The following SGO1 variants were observed in gnomAD, a reference collection of about 807,000 sequenced individuals.
SGO1 encodes the protein serologically defined breast cancer antigen NY-BR-85.
A neutral mutation model predicts 50.5 loss-of-function variants in SGO1; 39 were observed. That is an observed-to-expected ratio of 0.77 (90% confidence interval 0.60 to 1.01). SGO1 has a LOEUF of 1.01. Among genes scored for constraint, SGO1 ranks in the 50% least tolerant of loss-of-function variants. The pLI is 0.00. For synonymous variants in SGO1, 191 were observed against 205.1 expected, an observed-to-expected ratio of 0.93 and a Z score of 0.59; for missense variants, 638 against 606.0, an observed-to-expected ratio of 1.05 and a Z score of -0.55.
Position 20,172,940 on chromosome 3 carries a change from G to A in SGO1, c.1282+1309C>T, listed in dbSNP as rs188194501. Among the ~76,000 whole-genome samples, 5 of 152,056 alleles carry A rather than the reference G, an allele frequency of 3.3e-5. No individual in the cohort carries two copies. The East Asian group carries it at 5.8e-4, about 18-fold the overall frequency. On this transcript the variant is annotated intron_variant, in intron 6 of 7. Coordinates refer to ENST00000412997, the MANE Select transcript of SGO1 (RefSeq NM_001199251.3). Reference sequence around the variant, plus strand: ...ATGACAGTGCCACTGCCCTCCAGCCGAGGTGATAGAGCAAGACCCTGTCTC... The same window carrying A: ...ATGACAGTGCCACTGCCCTCCAGCCAAGGTGATAGAGCAAGACCCTGTCTC...
chr3:20,180,216 G>A (rs747424891), intron 3 of SGO1, among the ~76,000 whole-genome samples: 3 of 152,124 alleles, frequency 2.0e-5, no homozygotes, highest in Non-Finnish European at 4.4e-5. Flanking sequence ...GAGCCTGGGA[G>A]GTCAAGCCTG....
chr3:20,161,792 C>T (rs1700053552), intron 8 of SGO1, among the ~76,000 whole-genome samples: 1 of 152,114 alleles, frequency 6.6e-6, no homozygotes, highest in South Asian at 2.1e-4. Context: ...CATAGTGAAT[C>T]CCAAGCAGGA....
chr3:20,161,463 C>T lies in SGO1; in HGVS notation c.1565-237G>A, dbSNP rs79511213. Among the ~76,000 whole-genome samples, 852 of 151,908 alleles carry T rather than the reference C, an allele frequency of 5.6e-3. 4 individuals are homozygous for T. Among genetic ancestry groups the T allele is most frequent in the Middle Eastern group, 0.024 (7 of 292 alleles). ...CAGGTTACATAGGCTATGATATAACCAAGGATAGAATGAGTGAACTGGAAG... is the reference window on the plus strand; with the variant it reads ...CAGGTTACATAGGCTATGATATAACTAAGGATAGAATGAGTGAACTGGAAG... On this transcript the variant is annotated intron_variant, in intron 8 of 8. Transcript: ENST00000263753.
Position 20,170,520 on chromosome 3 carries a change from A to C in SGO1, c.*184T>G. Reference sequence around the variant, plus strand: ...TCAAAAGAAAAAATAAATTAAATTTATTAAAGTTTTAATACAAAGCATCCC... The same window carrying C: ...TCAAAAGAAAAAATAAATTAAATTTCTTAAAGTTTTAATACAAAGCATCCC... On this transcript the variant is annotated 3_prime_UTR_variant, in exon 8 of 8. Coordinates refer to ENST00000412997, the MANE Select transcript of SGO1 (RefSeq NM_001199251.3). 1 of 1,193,600 alleles carries C rather than the reference A, an allele frequency of 8.4e-7. No homozygotes were observed. Among genetic ancestry groups the C allele is most frequent in the Non-Finnish European group, 1.0e-6 (1 of 963,062 alleles). The allele number at this position is 1,193,600 out of a possible 1,614,324, so 73.9% of individuals were successfully genotyped here.
At chr3:20,181,920 TA>T (rs1285473930) in intron 3 of SGO1, among the ~76,000 whole-genome samples, 1 of 151,658 alleles carries the variant, frequency 6.6e-6, no homozygotes, top group Non-Finnish European at 1.5e-5. Context: ...CTGTCTCTAC[TA>T]AAAATATAAA....
rs747414636 is a variant in SGO1 at position 20,176,654 on chromosome 3, A to G, written c.422T>C (p.Ile141Thr). The G allele has an allele frequency of 1.3e-6, 2 of 1,570,210 alleles. No individual in the cohort carries two copies. The highest frequency in any genetic ancestry group is 4.6e-5 in the East Asian group (2 of 43,568). Residue 141 changes from isoleucine (I) to threonine (T), a missense_variant, in exon 5 of 8, where the codon ATT becomes ACT. By Grantham distance (89) the Ile-to-Thr change is moderately conservative. Coordinates refer to ENST00000412997, the MANE Select transcript of SGO1 (RefSeq NM_001199251.3). ...TGGAAGTTCAGTTTCTTCAAGAGGA[A>G]TTTGCCTTAGAAAATACCAATGAAA... ...RNLFVKDLPQ[I>T]PLEETELPGQ...
At chr3:20,167,438 G>A (rs947024443), downstream of SGO1, among the ~76,000 whole-genome samples, 3 of 148,064 alleles carry the variant, frequency 2.0e-5, no homozygotes, top group Admixed American at 6.8e-5. Flanking sequence ...TAGAATACTT[G>A]TCAACAGAAA....
chr3:20,160,664 G>C (rs1699997451), exon 9 of SGO1: 1 of 154,280 alleles, frequency 6.5e-6, no homozygotes, highest in African/African-American at 2.4e-5. Context: ...GGAAACAGCT[G>C]TTAAGCATAA....
At position 20,170,755 on chromosome 3, in the gene SGO1, C is replaced by T. The variant is rs999480187; in HGVS notation, c.1533G>A (p.Lys511=). 4 of 1,593,100 alleles carry T rather than the reference C, an allele frequency of 2.5e-6. No individual in the cohort carries two copies. The highest frequency in any genetic ancestry group is 2.7e-5 in the African/African-American group (2 of 73,224). ...TAGAACGTCTCAAATCCTTTTTCTGCTTGAAAATAGGAGAATTCAAAAAAC... is the reference window on the plus strand; with the variant it reads ...TAGAACGTCTCAAATCCTTTTTCTGTTTGAAAATAGGAGAATTCAAAAAAC... ...DLCFLNSPIF[K]QKKDLRRSKK... is the part of the protein sequence containing the mutation. The change falls in exon 8 of 8, where the codon AAG becomes AAA. Residue 511 remains lysine (K), a synonymous_variant. Transcript: ENST00000412997.
intron 6 of SGO1, among the ~76,000 whole-genome samples, chr3:20,172,821 C>T (rs1410727514): frequency 1.4e-5 from 2 of 139,408 alleles, no homozygotes; most frequent in Non-Finnish European, 3.1e-5. Flanking sequence ...AAAAAATTAG[C>T]CAGGTGTGAT....
chr3:20,182,494 T>A (rs1025176070), intron 3 of SGO1, among the ~76,000 whole-genome samples: 4 of 152,124 alleles, frequency 2.6e-5, no homozygotes, highest in Non-Finnish European at 5.9e-5. Flanking sequence ...GCTTTTTTTT[T>A]CTCTGCCCCA....
Position 20,170,730 on chromosome 3 carries a change from T to A in SGO1, c.1558A>T (p.Lys520Ter). 6.3e-7 allele frequency: 1 copy of A among 1,588,686 alleles called. No individual in the cohort carries two copies. The highest frequency in any genetic ancestry group is 1.2e-5 in the South Asian group (1 of 85,912). The change falls in exon 8 of 8, where the codon AAA becomes TAA. Residue 520 changes from lysine to a stop codon, truncating the protein, a stop_gained. Transcript: ENST00000412997. LOFTEE classifies it high-confidence loss of function. ...FKQKKDLRRS[K>*]KSMKQIQ ...CATTGTATTTGTTTCATACTTTTTT[T>A]AGAACGTCTCAAATCCTTTTTCTGC...
Position 20,183,869 on chromosome 3 carries a change from AC to A in SGO1, c.142+16del. The A allele has an allele frequency of 1.2e-6, 2 of 1,604,374 alleles. No homozygotes were observed. The highest frequency in any genetic ancestry group is 1.7e-6 in the Non-Finnish European group (2 of 1,177,856). On this transcript the variant is annotated intron_variant, in intron 2 of 7. Transcript: ENST00000412997. ...AACTTAAAAGTGATATAAAAGGACAACATAAAAATCTCTTACTGATTATTTG... is the reference window on the plus strand; with the variant it reads ...AACTTAAAAGTGATATAAAAGGACAAATAAAAATCTCTTACTGATTATTTG...
chr3:20,175,405 C>T (rs1701267135), intron 5 of SGO1, among the ~76,000 whole-genome samples: 1 of 152,108 alleles, frequency 6.6e-6, no homozygotes, highest in South Asian at 2.1e-4. Flanking sequence ...GGATGATGAA[C>T]TGATATAATG....
At chr3:20,172,630 T>C (rs974798534) in intron 6 of SGO1, among the ~76,000 whole-genome samples, 2 of 151,944 alleles carry the variant, frequency 1.3e-5, no homozygotes, top group African/African-American at 4.8e-5. Flanking sequence ...TATATTTTTT[T>C]CGTTTAAAAA....
At chr3:20,166,705 CAAATA>C (rs1700321318), downstream of SGO1, among the ~76,000 whole-genome samples, 1 of 151,700 alleles carries the variant, frequency 6.6e-6, no homozygotes, top group African/African-American at 2.4e-5. Flanking sequence ...CTGAACTTTA[CAAATA>C]AAATGATCAA....
At position 20,183,591 on chromosome 3, in the gene SGO1, C is replaced by A; in HGVS notation, c.339+17G>T. On this transcript the variant is annotated intron_variant, in intron 3 of 7. Transcript: ENST00000412997. Reference sequence around the variant, plus strand: ...GCTTAACTAAACTAAGAAATTCGGCCTTAGTAATGAAAATACCTGAGCAGG... The same window carrying A: ...GCTTAACTAAACTAAGAAATTCGGCATTAGTAATGAAAATACCTGAGCAGG... The A allele has an allele frequency of 6.5e-7, 1 of 1,549,590 alleles. No homozygotes were observed.
Position 20,169,846 on chromosome 3 carries a change from G to C in SGO1, c.*858C>G. On this transcript the variant is annotated 3_prime_UTR_variant, in exon 8 of 8. Transcript: ENST00000412997. ...TTTATCTGAAAAATTAAATATAACA[G>C]TGGTATAAGGAATTCATAAACAACT... 1.0e-6 allele frequency: 1 copy of C among 976,210 alleles called. No individual in the cohort carries two copies. Among genetic ancestry groups the C allele is most frequent in the Non-Finnish European group, 1.2e-6 (1 of 821,574 alleles). 60.5% of individuals were successfully genotyped at this position (976,210 alleles called of 1,614,324 possible). A position where few individuals can be genotyped will look rare whatever the true frequency, so the allele number is the denominator to read the frequency against.
downstream of SGO1, among the ~76,000 whole-genome samples, chr3:20,167,095 T>C (rs1252407514): frequency 6.6e-6 from 1 of 152,142 alleles, no homozygotes; most frequent in African/African-American, 2.4e-5. Flanking sequence ...CTATACAATA[T>C]ACCCAGCATA....
Sources: allele counts gnomAD v4.1 joint callset (sites outside exome capture counted in the v4.1 genomes callset), GRCh38; gene constraint gnomAD v4.1.1; transcripts MANE v1.5; gene names NCBI Gene and HGNC (gene_info 2026-07-23, HGNC 2026-07-21).